WDR76: variants seen among roughly 807,000 people sequenced by gnomAD.
The protein encoded by WDR76 is WD repeat-containing protein 76.
Under a neutral mutation model 70.2 loss-of-function variants are expected in WDR76, and 52 were observed. That is an observed-to-expected ratio of 0.74 (90% CI 0.59 to 0.93). The LOEUF is 0.93. Among genes scored for constraint, WDR76 ranks in the 40% least tolerant of loss-of-function variants. The pLI is 0.00. For missense variants in WDR76, 756 were observed against 760.2 expected (o/e 0.99, Z 0.07); for synonymous variants, 292 against 271.1 (o/e 1.08, Z -0.76).
At chr15:43,866,030 A>G in intron 12 of WDR76, 98 bp from the exon 13 acceptor site, 4 of 1,425,022 alleles carry the variant, frequency 2.8e-6, no homozygotes, top group South Asian at 1.4e-5. Context: ...CTTGGCAGAG[A>G]AAACTAGCAT....
chr15:43,844,455 T>TA (rs879845728), intron 8 of WDR76, among the ~76,000 whole-genome samples: 15 of 150,564 alleles, frequency 1.0e-4, no homozygotes, highest in East Asian at 5.9e-4. Flanking sequence ...CCGTCTGTAG[T>TA]AAAAAAATAC....
intron 2 of WDR76, among the ~76,000 whole-genome samples, chr15:43,832,753 T>TG (rs1440900983): frequency 1.5e-5 from 2 of 132,036 alleles, no homozygotes; most frequent in Admixed American, 7.9e-5. Flanking sequence ...GTTTTTTTTT[T>TG]TTTTTTTTTT....
intron 2 of WDR76, among the ~76,000 whole-genome samples, chr15:43,834,417 CG>C (rs2141725697): frequency 6.6e-6 from 1 of 151,564 alleles, no homozygotes; most frequent in South Asian, 2.1e-4. Context: ...TTTCCTGCCC[CG>C]GCCTCCTGAG....
In WDR76 at chr15:43,851,111, G is replaced by A. The variant is rs201315967; in HGVS notation, c.1057G>A (p.Val353Ile). The A allele has an allele frequency of 4.3e-6, 7 of 1,614,076 alleles. No homozygotes were observed. Among genetic ancestry groups the A allele is most frequent in the Non-Finnish European group, 4.2e-6 (5 of 1,180,012 alleles). ...DLTQQPKEDGVYVFHPHSQPV... is the reference protein window; with the variant it reads ...DLTQQPKEDGIYVFHPHSQPV... ...GACCCAGCAACCTAAAGAAGATGGA[G>A]TTTATGTTTTTCATCCCCATAGTCA... Residue 353 changes from valine to isoleucine, a missense_variant, in exon 9 of 13, where the codon GTT becomes ATT. Val to Ile is a conservative substitution (Grantham distance 29). Coordinates refer to ENST00000263795, the MANE Select transcript of WDR76 (RefSeq NM_024908.4).
At chr15:43,858,362 C>A in intron 10 of WDR76, 1 of 203,000 alleles carries the variant, frequency 4.9e-6, no homozygotes, top group Non-Finnish European at 9.9e-6. Context: ...TCAAGCAATT[C>A]TCCTGCCTCA....
At chr15:43,855,627 G>A (rs1467923021) in intron 9 of WDR76, among the ~76,000 whole-genome samples, 1 of 152,056 alleles carries the variant, frequency 6.6e-6, no homozygotes, top group African/African-American at 2.4e-5. Context: ...TTCTTTATGT[G>A]CATGAGTCCT....
At chr15:43,854,593 C>T (rs2087906118) in intron 9 of WDR76, among the ~76,000 whole-genome samples, 1 of 152,038 alleles carries the variant, frequency 6.6e-6, no homozygotes, top group South Asian at 2.1e-4. Context: ...GTACAATTTA[C>T]CACTTTAGGT....
chr15:43,830,559 T>A lies in WDR76; in HGVS notation c.462+2193T>A, dbSNP rs1023409208. Among the ~76,000 whole-genome samples the A allele has an allele frequency of 1.6e-4, 20 of 127,686 alleles. 1 individual carries two copies. In the East Asian group the frequency reaches 4.2e-3, roughly 27 times the overall value. The allele number at this position is 127,686 out of a possible 152,430, so 83.8% of individuals were successfully genotyped here. A position where few individuals can be genotyped will look rare whatever the true frequency, so the allele number is the denominator to read the frequency against. On this transcript the variant is annotated intron_variant, in intron 2 of 12. Transcript: ENST00000263795. ...CCTGGGCAACAAGAGTGAAACTCCGTCTCAAAAAAAAAAAAAAAAAAAGAT... is the reference window on the plus strand; with the variant it reads ...CCTGGGCAACAAGAGTGAAACTCCGACTCAAAAAAAAAAAAAAAAAAAGAT...
At chr15:43,831,492 G>C (rs2087587738) in intron 2 of WDR76, among the ~76,000 whole-genome samples, 1 of 151,594 alleles carries the variant, frequency 6.6e-6, no homozygotes, top group Admixed American at 6.6e-5. Context: ...AGGATGGAGT[G>C]CAGAGGCACG....
chr15:43,832,782 G>A (rs1222638205), intron 2 of WDR76, among the ~76,000 whole-genome samples: 2 of 107,396 alleles, frequency 1.9e-5, no homozygotes, highest in African/African-American at 3.5e-5. Context: ...AGACAGTCTC[G>A]GCTCTTGCCC....
intron 12 of WDR76, among the ~76,000 whole-genome samples, chr15:43,864,758 TA>T (rs1285246405): frequency 6.6e-6 from 1 of 151,788 alleles, no homozygotes; most frequent in African/African-American, 2.4e-5. Context: ...AATGCCTGGC[TA>T]ACTTTCCTAT....
At chr15:43,840,588 T>G (rs1301724315) in intron 5 of WDR76, among the ~76,000 whole-genome samples, 1 of 152,224 alleles carries the variant, frequency 6.6e-6, no homozygotes, top group African/African-American at 2.4e-5. Flanking sequence ...ATAGCACTAA[T>G]TAGGCTGGTG....
chr15:43,852,940 G>A (rs1366045576), intron 9 of WDR76, among the ~76,000 whole-genome samples: 2 of 152,028 alleles, frequency 1.3e-5, no homozygotes, highest in Non-Finnish European at 2.9e-5. Context: ...CCAGGCTGCA[G>A]TGCAGCAGTG....
chr15:43,828,341 G>C lies in WDR76; in HGVS notation c.437G>C (p.Ser146Thr). ...GTGGAAAGTAGTCAGGATGGAGACA[G>C]TGATGAAGATACCACACCATCCCTG... ...VDVESSQDGD[S>T]DEDTTPSLDF... Residue 146 changes from serine to threonine, a missense_variant, in exon 2 of 13, where the codon AGT becomes ACT. Coordinates refer to ENST00000263795, the MANE Select transcript of WDR76 (RefSeq NM_024908.4). 1.2e-6 allele frequency: 2 copies of C among 1,612,564 alleles called. No individual in the cohort carries two copies. Among genetic ancestry groups the C allele is most frequent in the Non-Finnish European group, 1.7e-6 (2 of 1,179,420 alleles).
At chr15:43,862,760 G>T (rs1390060666) in intron 12 of WDR76, among the ~76,000 whole-genome samples, 1 of 151,832 alleles carries the variant, frequency 6.6e-6, no homozygotes, top group Non-Finnish European at 1.5e-5. Context: ...CACCTGCCTC[G>T]GCCTCCCAAA....
chr15:43,847,549 T>A (rs1412472456), intron 8 of WDR76, among the ~76,000 whole-genome samples: 4 of 152,150 alleles, frequency 2.6e-5, no homozygotes, highest in East Asian at 1.9e-4. Flanking sequence ...GCCTCCCAAG[T>A]GGCTGGGATT....
At chr15:43,862,653 C>T (rs1020958305) in intron 12 of WDR76, among the ~76,000 whole-genome samples, 66 of 151,588 alleles carry the variant, frequency 4.4e-4, no homozygotes, top group Non-Finnish European at 6.3e-4. Context: ...GGACTACAGG[C>T]GCCTGCCACC....
intron 5 of WDR76, 80 bp from the exon 6 acceptor site, chr15:43,842,335 C>A: frequency 7.9e-7 from 1 of 1,271,014 alleles, no homozygotes; most frequent in Non-Finnish European, 1.1e-6. Flanking sequence ...GTGGGGAAAA[C>A]AGACAAATAC....
At chr15:43,857,751 G>C (rs1314971471) in intron 10 of WDR76, among the ~76,000 whole-genome samples, 1 of 150,292 alleles carries the variant, frequency 6.7e-6, no homozygotes, top group Non-Finnish European at 1.5e-5. Flanking sequence ...CACAGGAGGC[G>C]GAAGTTGCAG....
Sources: allele counts gnomAD v4.1 joint callset (sites outside exome capture counted in the v4.1 genomes callset), GRCh38; gene constraint gnomAD v4.1.1; transcripts MANE v1.5; gene names NCBI Gene and HGNC (gene_info 2026-07-23, HGNC 2026-07-21).